Variants in SLC25A48 observed in about 807,000 individuals in gnomAD.
The protein encoded by SLC25A48 is CTC-321K16.1.
In SLC25A48, 29 loss-of-function variants were observed where a neutral mutation model predicts 32.2. The observed-to-expected ratio is 0.90, with a 90% CI of 0.67 to 1.23. The LOEUF is 1.23. Among genes scored for constraint, SLC25A48 ranks in the 50% most tolerant of loss-of-function variants. The probability of loss-of-function intolerance (pLI) is 0.00; values close to 1 mark genes in which losing one functional copy is unlikely to be tolerated. For synonymous variants in SLC25A48, 164 were observed against 172.3 expected (o/e 0.95, Z 0.38); for missense variants, 399 against 422.7 (o/e 0.94, Z 0.49).
intron 1 of SLC25A48, among the ~76,000 whole-genome samples, chr5:135,612,819 C>T (rs1752103440): frequency 6.6e-6 from 1 of 152,168 alleles, no homozygotes; most frequent in South Asian, 2.1e-4. Context: ...ATGCATTTGT[C>T]CATTGATGGA....
intron 3 of SLC25A48, among the ~76,000 whole-genome samples, chr5:135,803,233 G>C (rs978153312): frequency 1.3e-5 from 2 of 150,576 alleles, no homozygotes; most frequent in African/African-American, 4.9e-5. Context: ...AATATACTTG[G>C]CAGATGTTAT....
At chr5:135,724,623 G>A (rs1347492210) in intron 3 of SLC25A48, among the ~76,000 whole-genome samples, 1 of 152,258 alleles carries the variant, frequency 6.6e-6, no homozygotes, top group Admixed American at 6.5e-5. Context: ...GGCAGAAGTT[G>A]GGGCCCAGAG....
At chr5:135,859,240 C>T (rs999830535) in intron 4 of SLC25A48, among the ~76,000 whole-genome samples, 1 of 152,096 alleles carries the variant, frequency 6.6e-6, no homozygotes, top group African/African-American at 2.4e-5. Context: ...GGGGAGGCCT[C>T]ACAAGCATGG....
intron 3 of SLC25A48, among the ~76,000 whole-genome samples, chr5:135,769,579 C>T (rs1756346391): frequency 6.6e-6 from 1 of 151,650 alleles, no homozygotes; most frequent in South Asian, 2.1e-4. Flanking sequence ...AATGATCTTA[C>T]TCTGAATATG....
At chr5:135,768,805 C>T in intron 3 of SLC25A48, among the ~76,000 whole-genome samples, 1 of 151,570 alleles carries the variant, frequency 6.6e-6, no homozygotes, top group Middle Eastern at 3.2e-3. Context: ...TTCATAATAT[C>T]CAGGTAAAAG....
chr5:135,733,645 G>A (rs923329957), intron 3 of SLC25A48, among the ~76,000 whole-genome samples: 6 of 152,294 alleles, frequency 3.9e-5, no homozygotes, highest in South Asian at 2.1e-4. Flanking sequence ...AAACAGTAAG[G>A]TCAAGTTGTT....
At chr5:135,661,019 T>A (rs1292716130) in intron 3 of SLC25A48, among the ~76,000 whole-genome samples, 1 of 152,242 alleles carries the variant, frequency 6.6e-6, no homozygotes. Flanking sequence ...TGCCCCTGAC[T>A]TTGTCAGTCC....
chr5:135,627,715 G>T (rs1049565823), intron 1 of SLC25A48, among the ~76,000 whole-genome samples: 3 of 150,808 alleles, frequency 2.0e-5, no homozygotes, highest in Admixed American at 2.0e-4. Flanking sequence ...GCCACTGGTG[G>T]TATAGTCACC....
intron 3 of SLC25A48, among the ~76,000 whole-genome samples, chr5:135,792,023 T>C (rs953297330): frequency 1.3e-5 from 2 of 151,824 alleles, no homozygotes; most frequent in Admixed American, 6.6e-5. Context: ...CTAATATCAC[T>C]GTGGGTGTTC....
intron 7 of SLC25A48, among the ~76,000 whole-genome samples, chr5:135,887,603 T>G (rs913703460): frequency 6.6e-6 from 1 of 151,942 alleles, no homozygotes; most frequent in Non-Finnish European, 1.5e-5. Flanking sequence ...CGTCTGGGAG[T>G]GCACGATCTT....
intron 3 of SLC25A48, among the ~76,000 whole-genome samples, chr5:135,705,874 C>T (rs1754496035): frequency 6.6e-6 from 1 of 152,146 alleles, no homozygotes; most frequent in Non-Finnish European, 1.5e-5. Flanking sequence ...GGCAAAGTCT[C>T]CCATCTGGCC....
chr5:135,642,495 G>A (rs982163450), intron 3 of SLC25A48, among the ~76,000 whole-genome samples: 3 of 152,244 alleles, frequency 2.0e-5, no homozygotes, highest in Non-Finnish European at 4.4e-5. Context: ...GAGGTCTACA[G>A]CATGGTTCCC....
At chr5:135,792,559 G>A (rs1278094579) in intron 3 of SLC25A48, among the ~76,000 whole-genome samples, 2 of 151,634 alleles carry the variant, frequency 1.3e-5, no homozygotes, top group Non-Finnish European at 3.0e-5. Flanking sequence ...GATATTATTT[G>A]TTATAGTTTT....
chr5:135,769,243 AT>A (rs1164917672), intron 3 of SLC25A48, among the ~76,000 whole-genome samples: 3 of 77,076 alleles, frequency 3.9e-5, no homozygotes, highest in African/African-American at 1.3e-4. Context: ...GCCCTCTGTA[AT>A]TTTGTTTGCA....
chr5:135,886,311 G>A (rs918954075), intron 7 of SLC25A48, among the ~76,000 whole-genome samples: 10 of 66,094 alleles, frequency 1.5e-4, no homozygotes, highest in East Asian at 6.5e-4. Flanking sequence ...CCCTCCCCCC[G>A]CCCTCCTCCA....
chr5:135,841,302 T>C (rs565780882), intron 1 of SLC25A48, among the ~76,000 whole-genome samples: 1 of 152,360 alleles, frequency 6.6e-6, no homozygotes, highest in East Asian at 1.9e-4. Context: ...GAATACTAAA[T>C]CCTTATCAAA....
intron 3 of SLC25A48, among the ~76,000 whole-genome samples, chr5:135,787,622 A>G (rs1756882014): frequency 1.3e-5 from 2 of 151,984 alleles, no homozygotes. Context: ...TTAATTTCAC[A>G]GGGAGTGTAT....
At chr5:135,704,475 G>A (rs1472365514) in intron 3 of SLC25A48, among the ~76,000 whole-genome samples, 1 of 152,174 alleles carries the variant, frequency 6.6e-6, no homozygotes, top group Non-Finnish European at 1.5e-5. Flanking sequence ...TGGTCTTTTG[G>A]CTAAACTCAG....
chr5:135,860,542 G>A (rs1443136881), intron 4 of SLC25A48, among the ~76,000 whole-genome samples: 1 of 152,172 alleles, frequency 6.6e-6, no homozygotes, highest in African/African-American at 2.4e-5. Flanking sequence ...CGATTTTTAA[G>A]AGAAGGCAAA....
Sources: allele counts gnomAD v4.1 joint callset (sites outside exome capture counted in the v4.1 genomes callset), GRCh38; gene constraint gnomAD v4.1.1; transcripts MANE v1.5; gene names NCBI Gene and HGNC (gene_info 2026-07-23, HGNC 2026-07-21).